Variants in RICTOR observed in about 807,000 individuals in gnomAD.
The protein encoded by RICTOR is rapamycin-insensitive companion of mTOR.
In RICTOR, 49 loss-of-function variants were observed where a neutral mutation model predicts 214.9. The ratio of observed to expected loss-of-function variants is 0.23; its 90% CI spans 0.18 to 0.29. RICTOR has a LOEUF of 0.29. RICTOR is among the 10% of genes least tolerant of loss of function. The pLI, the probability that RICTOR is intolerant of heterozygous loss-of-function variation, is 1.00. For synonymous variants in RICTOR, 717 were observed against 711.3 expected, an observed-to-expected ratio of 1.01 and a Z score of -0.13; for missense variants, 1,625 against 2,047.0, an observed-to-expected ratio of 0.79 and a Z score of 3.98.
chr5:38,945,409 T>A, intron 34 of RICTOR, 82 bp downstream of exon 34: 1 of 921,554 alleles, frequency 1.1e-6, no homozygotes, highest in Non-Finnish European at 1.7e-6. Context: ...TGAATTAGAA[T>A]ACCAAAAAGA....
Position 38,959,099 on chromosome 5 carries a change from T to C in RICTOR, c.2178+96A>G, listed in dbSNP as rs534851975. The C allele has an allele frequency of 5.2e-6, 5 of 967,100 alleles. No homozygotes were observed. The African/African-American group carries it at 6.7e-5, about 13-fold the overall frequency. 59.9% of individuals were successfully genotyped at this position (967,100 alleles called of 1,614,324 possible). A position where few individuals can be genotyped will look rare whatever the true frequency, so the allele number is the denominator to read the frequency against. ...TTTTAAAGTAAACTCAATTTCCATA[T>C]CATATTCTTAGAACTTAATTTTACT... On this transcript the variant is annotated intron_variant, in intron 22 of 37. Transcript: ENST00000357387.
At chr5:38,947,215 A>G (rs1158626344) in intron 32 of RICTOR, 49 bp downstream of exon 32, 1 of 1,414,234 alleles carries the variant, frequency 7.1e-7, no homozygotes, top group Non-Finnish European at 9.9e-7. Flanking sequence ...CAGCATATGA[A>G]AAAATAGGAA....
chr5:38,949,832 T>A lies in RICTOR; in HGVS notation c.4016A>T (p.Gln1339Leu). The A allele has an allele frequency of 6.2e-7, 1 of 1,613,454 alleles. No individual in the cohort carries two copies. The highest frequency in any genetic ancestry group is 8.5e-7 in the Non-Finnish European group (1 of 1,179,530). ...GTGAGATAAGGATGGATGCATTCTT[T>A]GTTGCTGTAGTCTTTTCAGTGTAGC... ...GYATLKRLQQ[Q>L]RMHPSLSHSE... Residue 1339 changes from glutamine (Q) to leucine (L), a missense_variant, in exon 31 of 38, where the codon CAA (glutamine) becomes CTA (leucine). Coordinates refer to ENST00000357387, the MANE Select transcript of RICTOR (RefSeq NM_152756.5).
At chr5:38,962,706 T>G in intron 17 of RICTOR, 120 bp from the exon 18 acceptor site, 1 of 810,986 alleles carries the variant, frequency 1.2e-6, no homozygotes. Context: ...TCAAGGTTTT[T>G]TAACTTTAAA....
intron 2 of RICTOR, among the ~76,000 whole-genome samples, 154 bp downstream of exon 2, chr5:39,073,957 C>T (rs528593230): frequency 0.023 from 3,479 of 151,584 alleles, 138 homozygotes; most frequent in African/African-American, 0.079. Flanking sequence ...CGGCCCCGGG[C>T]TCGGTTCCCG....
intron 3 of RICTOR, among the ~76,000 whole-genome samples, chr5:39,011,558 A>G (rs1272827387): frequency 6.6e-6 from 1 of 152,162 alleles, no homozygotes; most frequent in African/African-American, 2.4e-5. Context: ...ACTCAATTCC[A>G]GCCCATGAAA....
intron 7 of RICTOR, among the ~76,000 whole-genome samples, chr5:38,983,119 T>C (rs899019057): frequency 6.6e-6 from 1 of 152,166 alleles, no homozygotes; most frequent in South Asian, 2.1e-4. Context: ...CCTCCTCCAT[T>C]GCACAGGCAG....
intron 3 of RICTOR, among the ~76,000 whole-genome samples, chr5:39,012,550 G>A (rs1754614581): frequency 6.6e-6 from 1 of 152,156 alleles, no homozygotes; most frequent in Non-Finnish European, 1.5e-5. Context: ...TAATCAAGTT[G>A]CTAATTAATC....
chr5:39,035,692 T>A (rs1756633513), intron 2 of RICTOR, among the ~76,000 whole-genome samples: 1 of 152,152 alleles, frequency 6.6e-6, no homozygotes. Context: ...CAGTAGCCGA[T>A]TCGATCAACT....
At chr5:38,954,452 C>T (rs764730798) in intron 27 of RICTOR, among the ~76,000 whole-genome samples, 8 of 151,782 alleles carry the variant, frequency 5.3e-5, no homozygotes, top group East Asian at 1.9e-4. Context: ...TTTTTCAGTA[C>T]GTTTTTGGAG....
Position 38,966,679 on chromosome 5 carries a change from C to G in RICTOR, c.1261G>C (p.Val421Leu), listed in dbSNP as rs2150031039. ...VITNSDDHIS[V>L]RATILLGELL... is the part of the protein sequence containing the mutation. ...TCTCCTAAAAGGATGGTAGCTCTAA[C>G]TGAGATATGATCATCACTGTTTGTT... is the stretch of plus-strand genomic sequence containing the variant. Residue 421 changes from valine to leucine, a missense_variant, in exon 15 of 38, where the codon GTT becomes CTT. Coordinates refer to ENST00000357387, the MANE Select transcript of RICTOR (RefSeq NM_152756.5). The G allele has an allele frequency of 6.3e-7, 1 of 1,596,494 alleles. No homozygotes were observed. The highest frequency in any genetic ancestry group is 8.6e-7 in the Non-Finnish European group (1 of 1,166,302).
At chr5:38,944,254 C>T (rs983250053) in intron 36 of RICTOR, 192 bp downstream of exon 36, 1 of 661,694 alleles carries the variant, frequency 1.5e-6, no homozygotes, top group Non-Finnish European at 2.8e-6. Context: ...ATACTTGCTT[C>T]TACATTCAAT....
chr5:39,013,342 A>G (rs1754692430), intron 3 of RICTOR, among the ~76,000 whole-genome samples: 1 of 152,158 alleles, frequency 6.6e-6, no homozygotes, highest in Non-Finnish European at 1.5e-5. Context: ...TTGACTATTA[A>G]AATCCATGTC....
Position 39,030,710 on chromosome 5 carries a change from C to G in RICTOR, c.98-9574G>C, listed in dbSNP as rs1296313176. 1.3e-5 allele frequency among the ~76,000 whole-genome samples: 2 copies of G among 152,098 alleles called. 1 individual carries two copies. Among genetic ancestry groups the G allele is most frequent in the South Asian group, 4.1e-4 (2 of 4,828 alleles). On this transcript the variant is annotated intron_variant, in intron 2 of 37. Coordinates refer to ENST00000357387, the MANE Select transcript of RICTOR (RefSeq NM_152756.5). ...AATGCCTACCACAGTCTCTGCCACA[C>G]AGTAGGCTTTCAAGAATTATTTTTC...
At chr5:38,993,035 G>A (rs1211882521) in intron 6 of RICTOR, among the ~76,000 whole-genome samples, 2 of 152,128 alleles carry the variant, frequency 1.3e-5, no homozygotes, top group Non-Finnish European at 2.9e-5. Context: ...TAACAATTGT[G>A]GTAGTAGTGG....
chr5:39,007,948 A>T (rs1306854831), intron 3 of RICTOR, among the ~76,000 whole-genome samples: 1 of 151,194 alleles, frequency 6.6e-6, no homozygotes, highest in Non-Finnish European at 1.5e-5. Flanking sequence ...TAGGATCAAG[A>T]TCCACTTTTG....
chr5:39,063,115 A>G (rs1319800585), intron 2 of RICTOR, among the ~76,000 whole-genome samples: 1 of 152,168 alleles, frequency 6.6e-6, no homozygotes, highest in Non-Finnish European at 1.5e-5. Context: ...TCCCTCCATT[A>G]AACAGTATTA....
chr5:38,993,094 A>G (rs2548800), intron 6 of RICTOR, among the ~76,000 whole-genome samples: 147,034 of 152,122 alleles, frequency 0.97, 71,114 homozygotes, highest in East Asian at 0.98. Context: ...AGATAAAAAT[A>G]GTTGGCTGGA....
chr5:38,958,451 G>C lies in RICTOR; in HGVS notation c.2412C>G (p.Leu804=). 1 of 1,604,368 alleles carries C rather than the reference G, an allele frequency of 6.2e-7. No individual in the cohort carries two copies. The highest frequency in any genetic ancestry group is 1.7e-4 in the Middle Eastern group (1 of 6,026). Residue 804 remains leucine (L), a synonymous_variant, in exon 24 of 38, where the codon CTC becomes CTG. Transcript: ENST00000357387. ...ATTTACTTAAAATTTACCTCAGCAG[G>C]AGAAGCAAACCCTTGTCTCCAAGGT... is the stretch of plus-strand genomic sequence containing the variant. ...LSHLGDKGLL[L]LLRFLSIPKG...
Sources: allele counts gnomAD v4.1 joint callset (sites outside exome capture counted in the v4.1 genomes callset), GRCh38; gene constraint gnomAD v4.1.1; transcripts MANE v1.5; gene names NCBI Gene and HGNC (gene_info 2026-07-23, HGNC 2026-07-21).